Variants in RNF220 observed in about 807,000 individuals in gnomAD.
RNF220 encodes E3 ubiquitin-protein ligase RNF220.
In RNF220, 7 loss-of-function variants were observed where a neutral mutation model predicts 67.1. The ratio of observed to expected loss-of-function variants is 0.10; its 90% CI spans 0.06 to 0.20. RNF220 has a LOEUF of 0.20. Among genes scored for constraint, RNF220 ranks in the 10% least tolerant of loss-of-function variants. RNF220 has a pLI of 1.00. For missense variants in RNF220, 565 were observed against 740.3 expected (o/e 0.76, Z 2.75); for synonymous variants, 270 against 283.2 (o/e 0.95, Z 0.47).
chr1:44,629,876 G>A (rs1346984936), intron 5 of RNF220, among the ~76,000 whole-genome samples: 1 of 152,170 alleles, frequency 6.6e-6, no homozygotes, highest in African/African-American at 2.4e-5. Context: ...GAACATAGAG[G>A]TGTAACAGAA....
intron 2 of RNF220, among the ~76,000 whole-genome samples, chr1:44,594,060 G>A (rs139905786): frequency 0.012 from 1,845 of 151,528 alleles, 53 homozygotes; most frequent in African/African-American, 0.042. Flanking sequence ...ACTCCAGCCT[G>A]GGTGACAGAG....
At chr1:44,605,508 C>A (rs376859357) in intron 2 of RNF220, among the ~76,000 whole-genome samples, 1 of 152,142 alleles carries the variant, frequency 6.6e-6, no homozygotes, top group Non-Finnish European at 1.5e-5. Flanking sequence ...ACTATTTTCT[C>A]ACTTTGGGCT....
chr1:44,442,480 T>G (rs1651660378), intron 2 of RNF220, among the ~76,000 whole-genome samples: 1 of 151,036 alleles, frequency 6.6e-6, no homozygotes. Flanking sequence ...GGAGAGCTCT[T>G]GATTCTTTGC....
At chr1:44,458,182 G>C (rs1653393115) in intron 2 of RNF220, among the ~76,000 whole-genome samples, 1 of 152,010 alleles carries the variant, frequency 6.6e-6, no homozygotes, top group Non-Finnish European at 1.5e-5. Context: ...AGGATCACTT[G>C]AACCCAGGCG....
intron 2 of RNF220, among the ~76,000 whole-genome samples, chr1:44,428,443 A>G (rs1333906140): frequency 2.0e-5 from 3 of 152,142 alleles, no homozygotes; most frequent in Non-Finnish European, 4.4e-5. Context: ...ATAATGCTTA[A>G]GACTGTGTTT....
chr1:44,623,231 G>A (rs1643865211), intron 4 of RNF220, among the ~76,000 whole-genome samples: 1 of 152,232 alleles, frequency 6.6e-6, no homozygotes, highest in African/African-American at 2.4e-5. Flanking sequence ...GCGTGTGTGT[G>A]TGTTTGTGTG....
chr1:44,605,355 C>A (rs1667201916), intron 2 of RNF220, among the ~76,000 whole-genome samples: 1 of 151,138 alleles, frequency 6.6e-6, no homozygotes, highest in Non-Finnish European at 1.5e-5. Context: ...CCAGACTAGA[C>A]CAGAGTCAGG....
chr1:44,453,866 T>C (rs1272292380), intron 2 of RNF220, among the ~76,000 whole-genome samples: 1 of 152,218 alleles, frequency 6.6e-6, no homozygotes, highest in Non-Finnish European at 1.5e-5. Context: ...CAGAGAACTT[T>C]GTTTATGTAA....
At chr1:44,475,766 C>A (rs1386485165) in intron 2 of RNF220, among the ~76,000 whole-genome samples, 5 of 142,300 alleles carry the variant, frequency 3.5e-5, no homozygotes, top group Non-Finnish European at 7.4e-5. Context: ...GTAATCCCAG[C>A]ACTTTGGGAG....
At chr1:44,615,972 G>A (rs1469173824) in intron 3 of RNF220, among the ~76,000 whole-genome samples, 1 of 152,210 alleles carries the variant, frequency 6.6e-6, no homozygotes, top group Non-Finnish European at 1.5e-5. Flanking sequence ...ACGGTCATCT[G>A]AAGATCTGAC....
intron 2 of RNF220, among the ~76,000 whole-genome samples, chr1:44,550,999 G>A (rs182423675): frequency 1.3e-5 from 2 of 152,002 alleles, no homozygotes; most frequent in East Asian, 3.9e-4. Context: ...CACCTCCATC[G>A]CAGCAGAGCA....
At chr1:44,477,718 A>G (rs1251136953) in intron 2 of RNF220, among the ~76,000 whole-genome samples, 3 of 152,198 alleles carry the variant, frequency 2.0e-5, no homozygotes, top group African/African-American at 4.8e-5. Flanking sequence ...GACAGTAGCT[A>G]CCTGGGGAGA....
In RNF220 at chr1:44,645,309, G is replaced by A. The variant is rs771789144; in HGVS notation, c.1366+33G>A. On this transcript the variant is annotated intron_variant, in intron 11 of 14. Coordinates refer to ENST00000361799, the MANE Select transcript of RNF220 (RefSeq NM_018150.4). This position sits in a 1 kb window ranked among gnomAD's most constrained non-coding sequence, Gnocchi z 5.0. Reference sequence around the variant, plus strand: ...CTGCCCCAGGTTAGGAGTAATGGGGGAGAGGGGGTATCCCTAGATGGTGGT... The same window carrying A: ...CTGCCCCAGGTTAGGAGTAATGGGGAAGAGGGGGTATCCCTAGATGGTGGT... The A allele has an allele frequency of 6.2e-7, 1 of 1,613,778 alleles. No individual in the cohort carries two copies. The highest frequency in any genetic ancestry group is 1.7e-5 in the Admixed American group (1 of 60,012).
At chr1:44,488,092 T>C (rs1656490435) in intron 2 of RNF220, among the ~76,000 whole-genome samples, 1 of 149,808 alleles carries the variant, frequency 6.7e-6, no homozygotes, top group South Asian at 2.1e-4. Flanking sequence ...TGCCTCAGTC[T>C]CCTGAGTAGC....
At chr1:44,420,062 G>A (rs1490516718) in intron 2 of RNF220, among the ~76,000 whole-genome samples, 2 of 152,178 alleles carry the variant, frequency 1.3e-5, no homozygotes, top group Non-Finnish European at 2.9e-5. Flanking sequence ...AAGTGATGTG[G>A]AGGTTTTGTA....
At chr1:44,576,733 A>T (rs1018364562) in intron 2 of RNF220, among the ~76,000 whole-genome samples, 3 of 152,218 alleles carry the variant, frequency 2.0e-5, no homozygotes, top group Non-Finnish European at 4.4e-5. Context: ...GGGGGAAAAA[A>T]GCTGAGTAAA....
intron 2 of RNF220, among the ~76,000 whole-genome samples, chr1:44,438,819 T>C (rs866957301): frequency 1.3e-5 from 2 of 152,268 alleles, no homozygotes; most frequent in African/African-American, 2.4e-5. Flanking sequence ...AATGAGTAGA[T>C]AATAAGTAGA....
chr1:44,499,669 C>A (rs1657654311), intron 2 of RNF220, among the ~76,000 whole-genome samples: 1 of 152,126 alleles, frequency 6.6e-6, no homozygotes, highest in Admixed American at 6.5e-5. Flanking sequence ...GGGCTTCATA[C>A]CAGCTCCATG....
At chr1:44,493,940 T>C (rs1238515914) in intron 2 of RNF220, among the ~76,000 whole-genome samples, 1 of 152,084 alleles carries the variant, frequency 6.6e-6, no homozygotes, top group Non-Finnish European at 1.5e-5. Context: ...GGCACGGTAG[T>C]TCATGCCTGT....
Sources: allele counts gnomAD v4.1 joint callset (sites outside exome capture counted in the v4.1 genomes callset), GRCh38; gene constraint gnomAD v4.1.1; non-coding constraint Gnocchi (gnomAD v3.1); transcripts MANE v1.5; gene names NCBI Gene and HGNC (gene_info 2026-07-23, HGNC 2026-07-21).